OSBPL5: variants seen among roughly 807,000 people sequenced by gnomAD.
OSBPL5 encodes the protein oxysterol-binding protein-related protein 5.
Under a neutral mutation model 111.2 loss-of-function variants are expected in OSBPL5, and 71 were observed. That is an observed-to-expected ratio of 0.64 (90% CI 0.53 to 0.78). The LOEUF is 0.78. Ranked by LOEUF, OSBPL5 falls within the 30% of genes least tolerant of loss-of-function variation. OSBPL5 has a pLI of 0.00. For synonymous variants in OSBPL5, 549 were observed against 513.9 expected (o/e 1.07, Z -0.93); for missense variants, 1,210 against 1,189.3 (o/e 1.02, Z -0.26).
chr11:3,124,649 C>G (rs1184010289), intron 3 of OSBPL5, among the ~76,000 whole-genome samples: 2 of 152,316 alleles, frequency 1.3e-5, no homozygotes, highest in Middle Eastern at 3.4e-3. Context: ...GTGACACACA[C>G]CACCCTTGGC....
At chr11:3,097,542 C>T (rs918154316) in intron 14 of OSBPL5, among the ~76,000 whole-genome samples, 1 of 152,150 alleles carries the variant, frequency 6.6e-6, no homozygotes, top group African/African-American at 2.4e-5. Context: ...AACAAACAAA[C>T]ACAAAACTAG....
chr11:3,089,985 G>A, intron 20 of OSBPL5, 37 bp from the exon 21 acceptor site: 1 of 1,460,802 alleles, frequency 6.8e-7, no homozygotes, highest in South Asian at 1.3e-5. Flanking sequence ...GAGGGGAGGG[G>A]AGGAGTGAGG....
intron 7 of OSBPL5, among the ~76,000 whole-genome samples, chr11:3,111,980 CGCGCATGTGT>C (rs1564837058): frequency 1.2e-4 from 16 of 131,094 alleles, no homozygotes; most frequent in African/African-American, 3.3e-4. Context: ...CATATGTGTG[CGCGCATGTGT>C]GTGCATGTGT....
At position 3,087,926 on chromosome 11, in the gene OSBPL5, A is replaced by C; in HGVS notation, c.*279T>G. The C allele has an allele frequency of 3.4e-6, 1 of 297,278 alleles. No homozygotes were observed. The highest frequency in any genetic ancestry group is 6.2e-6 in the Non-Finnish European group (1 of 161,872). The allele number at this position is 297,278 out of a possible 1,614,324, so 18.4% of individuals were successfully genotyped here. A position where few individuals can be genotyped will look rare whatever the true frequency, so the allele number is the denominator to read the frequency against. Reference sequence around the variant, plus strand: ...AGGCCGGACAGGGGGTGACACGGCAAGATGGCCAGGAGTGCGTCGCACAGC... The same window carrying C: ...AGGCCGGACAGGGGGTGACACGGCACGATGGCCAGGAGTGCGTCGCACAGC... On this transcript the variant is annotated 3_prime_UTR_variant, in exon 22 of 22. Coordinates refer to ENST00000263650, the MANE Select transcript of OSBPL5 (RefSeq NM_020896.4).
chr11:3,124,544 T>C (rs569188524), intron 3 of OSBPL5, among the ~76,000 whole-genome samples: 5 of 152,336 alleles, frequency 3.3e-5, no homozygotes, highest in Middle Eastern at 3.4e-3. Flanking sequence ...TGCTTTTCCC[T>C]GTGGCTGGGT....
intron 10 of OSBPL5, among the ~76,000 whole-genome samples, chr11:3,103,823 G>GCCTCTGCAGCCCCCTTCCAGCCTGCGTA (rs1857581098): frequency 6.9e-5 from 2 of 29,036 alleles, no homozygotes; most frequent in African/African-American, 1.6e-4. Context: ...TGCCTGCGCA[G>GCCTCTGCAGCCCCCTTCCAGCCTGCGTA]CCCCCTTCCA....
Position 3,092,580 on chromosome 11 carries a change from C to A in OSBPL5, c.2133-22G>T, listed in dbSNP as rs1434974175. On this transcript the variant is annotated intron_variant, in intron 18 of 21. Transcript: ENST00000263650. The surrounding 1 kb of genome is among the most constrained non-coding windows in gnomAD (Gnocchi z 5.4). ...GTGGCTGGAGGGTCCAGAGGGCGTT[C>A]ATCAGCACAGGCAGTGGCCCTCAGG... The A allele has an allele frequency of 1.9e-6, 3 of 1,567,030 alleles. No homozygotes were observed. The highest frequency in any genetic ancestry group is 2.3e-5 in the East Asian group (1 of 43,038).
intron 7 of OSBPL5, among the ~76,000 whole-genome samples, chr11:3,111,678 C>A (rs1205104304): frequency 6.6e-6 from 1 of 152,038 alleles, no homozygotes; most frequent in Non-Finnish European, 1.5e-5. Context: ...TTCCCCTCCC[C>A]ACCCCCACAC....
At chr11:3,112,475 TTTC>T (rs1246499915) in intron 7 of OSBPL5, among the ~76,000 whole-genome samples, 5,903 of 116,644 alleles carry the variant, frequency 0.051, 205 homozygotes, top group African/African-American at 0.14. Context: ...TGTGTTTTCT[TTTC>T]TTTTTTTTTT....
chr11:3,092,855 G>C lies in OSBPL5; in HGVS notation c.2132+12C>G. The C allele has an allele frequency of 6.6e-7, 1 of 1,519,720 alleles. No individual in the cohort carries two copies. Among genetic ancestry groups the C allele is most frequent in the Admixed American group, 2.0e-5 (1 of 49,668 alleles). 94.1% of individuals were successfully genotyped at this position (1,519,720 alleles called of 1,614,324 possible). On this transcript the variant is annotated intron_variant, in intron 18 of 21. Coordinates refer to ENST00000263650, the MANE Select transcript of OSBPL5 (RefSeq NM_020896.4). The surrounding 1 kb of genome is among the most constrained non-coding windows in gnomAD (Gnocchi z 5.4). The stretch of plus-strand genomic sequence containing the variant: ...CCCACCCTGTGGCCCCCAGGGCTTT[G>C]TCGGCACTCACTCCTCGTATCGGTA...
At chr11:3,103,756 G>GCTCTGCAGCCCCCTTCCAGC (rs1333727144) in intron 10 of OSBPL5, among the ~76,000 whole-genome samples, 1 of 56,804 alleles carries the variant, frequency 1.8e-5, no homozygotes, top group Non-Finnish European at 3.8e-5. Flanking sequence ...CCCTCTTCCA[G>GCTCTGCAGCCCCCTTCCAGC]CTCTGCAGCC....
chr11:3,127,687 C>T (rs1239299323), intron 2 of OSBPL5, among the ~76,000 whole-genome samples: 3 of 152,178 alleles, frequency 2.0e-5, no homozygotes, highest in Non-Finnish European at 2.9e-5. Context: ...GGCCTGTGGC[C>T]GCCAGCAAAC....
chr11:3,150,575 C>T (rs1300050519), intron 1 of OSBPL5, among the ~76,000 whole-genome samples: 1 of 152,204 alleles, frequency 6.6e-6, no homozygotes, highest in Admixed American at 6.5e-5. Context: ...GCCCCACAGA[C>T]ACAGAGGCCA....
At chr11:3,136,422 C>T (rs192547531) in intron 1 of OSBPL5, among the ~76,000 whole-genome samples, 3 of 152,380 alleles carry the variant, frequency 2.0e-5, no homozygotes, top group Admixed American at 2.0e-4. Flanking sequence ...CAGGGGCAGA[C>T]ACTGCCTCAG....
At chr11:3,150,396 G>A (rs917464466) in intron 1 of OSBPL5, among the ~76,000 whole-genome samples, 1 of 152,152 alleles carries the variant, frequency 6.6e-6, no homozygotes, top group Admixed American at 6.5e-5. Flanking sequence ...CTGGGACCAG[G>A]ATGCAGCCTT....
chr11:3,112,047 A>ACG, intron 7 of OSBPL5, among the ~76,000 whole-genome samples: 1 of 66,832 alleles, frequency 1.5e-5, no homozygotes, highest in Admixed American at 1.4e-4. Flanking sequence ...GTGTGCGCGC[A>ACG]TGTGTGTGCA....
At chr11:3,116,405 T>C (rs1285812231) in intron 7 of OSBPL5, among the ~76,000 whole-genome samples, 1 of 152,206 alleles carries the variant, frequency 6.6e-6, no homozygotes, top group East Asian at 1.9e-4. Flanking sequence ...TAATCAGCTG[T>C]AAAACTCTAA....
rs781350724 is a variant in OSBPL5 at position 3,092,429 on chromosome 11, G to C, written c.2259+3C>G. ...CCCTGGGTGGGGCCTGTGGGGTGCTGACCTCGTGCCTGGGCCCTGGGCTGC... is the reference window on the plus strand; with the variant it reads ...CCCTGGGTGGGGCCTGTGGGGTGCTCACCTCGTGCCTGGGCCCTGGGCTGC... On this transcript the variant is annotated splice_donor_region_variant and intron_variant, in intron 19 of 21. Transcript: ENST00000263650. This position sits in a 1 kb window ranked among gnomAD's most constrained non-coding sequence, Gnocchi z 5.4. 1.4e-5 allele frequency: 22 copies of C among 1,576,156 alleles called. No individual in the cohort carries two copies. The Middle Eastern group carries it at 5.1e-4, about 37-fold the overall frequency.
At chr11:3,157,273 C>T (rs529881166) in intron 1 of OSBPL5, among the ~76,000 whole-genome samples, 2 of 152,268 alleles carry the variant, frequency 1.3e-5, no homozygotes, top group Non-Finnish European at 2.9e-5. Context: ...GAGTCAGGGC[C>T]GGCAGCAGAG....
Sources: gnomAD v4.1 joint callset for allele counts (sites outside exome capture counted in the v4.1 genomes callset) on GRCh38, gnomAD v4.1.1 for gene constraint, Gnocchi (gnomAD v3.1) non-coding constraint, MANE v1.5 for transcripts, NCBI Gene and HGNC (gene_info 2026-07-23, HGNC 2026-07-21) for gene names.